Variants in KIAA1328 observed in about 807,000 individuals in gnomAD.
KIAA1328 encodes protein hinderin.
A neutral mutation model predicts 68.1 loss-of-function variants in KIAA1328; 52 were observed. The observed-to-expected ratio is 0.76, with a 90% CI of 0.61 to 0.96. KIAA1328 has a LOEUF of 0.96. KIAA1328 is among the 40% of genes least tolerant of loss of function. The pLI is 0.00. For synonymous variants in KIAA1328, 232 were observed against 239.4 expected (o/e 0.97, Z 0.28); for missense variants, 641 against 677.6 (o/e 0.95, Z 0.60).
chr18:37,056,545 T>C (rs1390179357), intron 6 of KIAA1328, among the ~76,000 whole-genome samples: 1 of 152,226 alleles, frequency 6.6e-6, no homozygotes, highest in East Asian at 1.9e-4. Context: ...TTTCTCCTCA[T>C]CTTTGTTTTA....
chr18:36,978,957 C>T (rs890725868), intron 6 of KIAA1328, among the ~76,000 whole-genome samples: 1 of 152,104 alleles, frequency 6.6e-6, no homozygotes, highest in Non-Finnish European at 1.5e-5. Context: ...GAAGCCAGTT[C>T]AAGACCAGCC....
At chr18:37,039,332 C>T (rs1341406252) in intron 6 of KIAA1328, among the ~76,000 whole-genome samples, 1 of 151,434 alleles carries the variant, frequency 6.6e-6, no homozygotes, top group Non-Finnish European at 1.5e-5. Flanking sequence ...ACATCTAGGG[C>T]TGAGTTTTTT....
In KIAA1328 at chr18:36,863,252, TC is replaced by T. The variant is rs1437522724; in HGVS notation, c.332+18951del. On this transcript the variant is annotated intron_variant, in intron 4 of 9. Transcript: ENST00000280020. ...TTTGAATAACATGTGAGGTTGAGGT[TC>T]TTTTTTTTTTTCCCCAATTGATGTA... 3.3e-5 allele frequency among the ~76,000 whole-genome samples: 5 copies of T among 151,918 alleles called. 1 individual carries two copies. The highest frequency in any genetic ancestry group is 4.8e-5 in the African/African-American group (2 of 41,388).
At chr18:36,941,967 G>A (rs780665965) in intron 5 of KIAA1328, among the ~76,000 whole-genome samples, 1 of 152,156 alleles carries the variant, frequency 6.6e-6, no homozygotes, top group Non-Finnish European at 1.5e-5. Flanking sequence ...AGTTGTACAT[G>A]CATTATGTTA....
chr18:37,009,590 A>C lies in KIAA1328; in HGVS notation c.576+50155A>C, dbSNP rs138342591. Among the ~76,000 whole-genome samples the C allele has an allele frequency of 9.8e-5, 15 of 152,316 alleles. No homozygotes were observed. In the East Asian group the frequency reaches 2.9e-3, roughly 29 times the overall value. ...TATTGTCACCAAGCAAGTTGAGGCC[A>C]GGGATATCACTAAACATCCTACAGT... On this transcript the variant is annotated intron_variant, in intron 6 of 9. Coordinates refer to ENST00000280020, the MANE Select transcript of KIAA1328 (RefSeq NM_020776.3).
intron 4 of KIAA1328, among the ~76,000 whole-genome samples, chr18:36,849,775 T>G (rs886102331): frequency 1.3e-5 from 2 of 152,116 alleles, no homozygotes; most frequent in African/African-American, 4.8e-5. Context: ...TTGAACTTTT[T>G]GAGGAAATGC....
intron 6 of KIAA1328, among the ~76,000 whole-genome samples, chr18:36,974,421 G>A (rs2052378992): frequency 6.6e-6 from 1 of 152,042 alleles, no homozygotes; most frequent in Non-Finnish European, 1.5e-5. Flanking sequence ...TTTCTGAGTT[G>A]TTTCACTGAA....
chr18:37,040,438 C>A (rs955336385), intron 6 of KIAA1328, among the ~76,000 whole-genome samples: 3 of 152,042 alleles, frequency 2.0e-5, no homozygotes, highest in Non-Finnish European at 4.4e-5. Flanking sequence ...TCTTTAATTC[C>A]TGATTTTAGT....
chr18:36,970,718 A>T (rs1174942209), intron 6 of KIAA1328, among the ~76,000 whole-genome samples: 2 of 152,170 alleles, frequency 1.3e-5, no homozygotes, highest in Admixed American at 1.3e-4. Context: ...AAAGATAATA[A>T]AATACCTAGG....
chr18:36,993,845 A>G (rs1016026148), intron 6 of KIAA1328, among the ~76,000 whole-genome samples: 7 of 152,040 alleles, frequency 4.6e-5, no homozygotes, highest in Admixed American at 2.0e-4. Flanking sequence ...AATTATCTCT[A>G]TGGAGTAGTA....
At chr18:37,165,840 G>A (rs561125268) in intron 8 of KIAA1328, among the ~76,000 whole-genome samples, 6 of 151,954 alleles carry the variant, frequency 3.9e-5, no homozygotes, top group African/African-American at 7.2e-5. Context: ...TAGGCACCGC[G>A]CCAGGGCAGA....
intron 6 of KIAA1328, among the ~76,000 whole-genome samples, chr18:36,985,011 C>T (rs930678162): frequency 2.0e-5 from 3 of 151,498 alleles, no homozygotes; most frequent in Non-Finnish European, 4.4e-5. Flanking sequence ...TCTAAATGTT[C>T]AATGAAGGAC....
At chr18:36,881,624 T>C (rs563347054) in intron 4 of KIAA1328, among the ~76,000 whole-genome samples, 2 of 152,124 alleles carry the variant, frequency 1.3e-5, no homozygotes, top group Non-Finnish European at 2.9e-5. Context: ...CACCAATCCT[T>C]CCTAGCCCCA....
intron 4 of KIAA1328, among the ~76,000 whole-genome samples, chr18:36,867,292 C>G (rs1267753360): frequency 6.6e-6 from 1 of 152,124 alleles, no homozygotes; most frequent in Non-Finnish European, 1.5e-5. Flanking sequence ...ATGGCACCTC[C>G]CCCACCATCT....
intron 6 of KIAA1328, among the ~76,000 whole-genome samples, chr18:37,047,293 T>C (rs2055513242): frequency 6.6e-6 from 1 of 152,242 alleles, no homozygotes; most frequent in Non-Finnish European, 1.5e-5. Flanking sequence ...CTTCGTGTTT[T>C]GATTCCTTTG....
At chr18:37,059,638 T>A (rs548085795) in intron 6 of KIAA1328, among the ~76,000 whole-genome samples, 1 of 152,170 alleles carries the variant, frequency 6.6e-6, no homozygotes, top group East Asian at 1.9e-4. Context: ...TGGCGATTCC[T>A]CAAGGATCTA....
chr18:37,084,132 G>T, intron 7 of KIAA1328: 2 of 1,485,114 alleles, frequency 1.3e-6, no homozygotes, highest in East Asian at 2.6e-5. Context: ...CAGGTTAAAA[G>T]CTCAGGCTCT....
chr18:36,953,011 A>G (rs1390194423), intron 5 of KIAA1328, among the ~76,000 whole-genome samples: 1 of 151,922 alleles, frequency 6.6e-6, no homozygotes, highest in African/African-American at 2.4e-5. Flanking sequence ...CCAAAAAAAA[A>G]AAAGTTTTCC....
At chr18:37,083,541 C>CT (rs1031070680) in intron 7 of KIAA1328, among the ~76,000 whole-genome samples, 8 of 152,202 alleles carry the variant, frequency 5.3e-5, no homozygotes, top group African/African-American at 1.9e-4. Context: ...AACCTTTTGG[C>CT]TGAGTTTTTC....
Sources: allele counts gnomAD v4.1 joint callset (sites outside exome capture counted in the v4.1 genomes callset), GRCh38; gene constraint gnomAD v4.1.1; transcripts MANE v1.5; gene names NCBI Gene and HGNC (gene_info 2026-07-23, HGNC 2026-07-21).